ZNF521: variants seen among roughly 807,000 people sequenced by gnomAD.
The protein encoded by ZNF521 is LYST-interacting protein 3.
In ZNF521, 14 loss-of-function variants were observed where a neutral mutation model predicts 105.5. The ratio of observed to expected loss-of-function variants is 0.13; its 90% confidence interval spans 0.09 to 0.21. The LOEUF (loss-of-function observed/expected upper bound fraction) is 0.21. ZNF521 is among the 10% of genes least tolerant of loss of function. The pLI is 1.00. For missense variants in ZNF521, 1,233 were observed against 1,629.7 expected (o/e 0.76, Z 4.19); for synonymous variants, 635 against 606.0 (o/e 1.05, Z -0.70).
chr18:25,305,414 T>C (rs1401788544), intron 3 of ZNF521, among the ~76,000 whole-genome samples: 2 of 152,244 alleles, frequency 1.3e-5, no homozygotes, highest in African/African-American at 4.8e-5. Flanking sequence ...CATTCATGAC[T>C]ATCTTCTTAT....
At chr18:25,289,704 G>C (rs1226365507) in intron 3 of ZNF521, among the ~76,000 whole-genome samples, 1 of 152,146 alleles carries the variant, frequency 6.6e-6, no homozygotes, top group Non-Finnish European at 1.5e-5. Flanking sequence ...TGGTCTTTAT[G>C]ATGACTTCAG....
At chr18:25,083,329 A>G (rs866476978) in intron 7 of ZNF521, among the ~76,000 whole-genome samples, 3 of 152,376 alleles carry the variant, frequency 2.0e-5, no homozygotes, top group Admixed American at 6.5e-5. Flanking sequence ...GACTCATTGC[A>G]AAATTATTCT....
At chr18:25,160,083 G>C (rs1386162417) in intron 5 of ZNF521, among the ~76,000 whole-genome samples, 1 of 152,180 alleles carries the variant, frequency 6.6e-6, no homozygotes, top group Non-Finnish European at 1.5e-5. Flanking sequence ...TCACCTGCCA[G>C]GACACTCTTC....
chr18:25,135,704 C>G (rs2034721810), intron 5 of ZNF521, among the ~76,000 whole-genome samples: 1 of 152,038 alleles, frequency 6.6e-6, no homozygotes, highest in Non-Finnish European at 1.5e-5. Context: ...CAGTAGGGAA[C>G]CCCCAGAGGA....
chr18:25,090,052 T>C (rs2033710154), intron 6 of ZNF521, among the ~76,000 whole-genome samples: 1 of 152,142 alleles, frequency 6.6e-6, no homozygotes, highest in Non-Finnish European at 1.5e-5. Flanking sequence ...TGTCTATAAA[T>C]GTGAAACAGA....
chr18:25,112,614 G>T (rs2034214751), intron 5 of ZNF521, among the ~76,000 whole-genome samples: 1 of 152,158 alleles, frequency 6.6e-6, no homozygotes, highest in Non-Finnish European at 1.5e-5. Context: ...TATGAACCTT[G>T]ACTCCAAGCA....
chr18:25,255,767 C>A (rs946317889), intron 3 of ZNF521, among the ~76,000 whole-genome samples: 10 of 151,674 alleles, frequency 6.6e-5, no homozygotes, highest in Admixed American at 3.3e-4. Context: ...AGCATACGAC[C>A]CAGCAATGCC....
intron 2 of ZNF521, among the ~76,000 whole-genome samples, chr18:25,333,334 A>G (rs1030811767): frequency 6.6e-6 from 1 of 150,796 alleles, no homozygotes; most frequent in Non-Finnish European, 1.5e-5. Flanking sequence ...ATATATATAT[A>G]CACACATATA....
chr18:25,161,958 T>C (rs74836026), intron 5 of ZNF521, among the ~76,000 whole-genome samples: 2,439 of 152,276 alleles, frequency 0.016, 31 homozygotes, highest in Non-Finnish European at 0.025. Flanking sequence ...CCTGGGCACA[T>C]GGGAACTACC....
chr18:25,328,123 C>T (rs915581780), intron 2 of ZNF521, among the ~76,000 whole-genome samples: 3 of 152,106 alleles, frequency 2.0e-5, no homozygotes, highest in Non-Finnish European at 4.4e-5. Flanking sequence ...AGAAAAGGAA[C>T]CTGTAATCTA....
chr18:25,120,608 A>AACC (rs1567970643), intron 5 of ZNF521, among the ~76,000 whole-genome samples: 30 of 95,234 alleles, frequency 3.2e-4, no homozygotes, highest in African/African-American at 9.9e-4. Flanking sequence ...AAAAACCACA[A>AACC]ACAAACAAAC....
intron 5 of ZNF521, among the ~76,000 whole-genome samples, chr18:25,105,847 G>A (rs150268994): frequency 6.6e-6 from 1 of 152,174 alleles, no homozygotes; most frequent in Non-Finnish European, 1.5e-5. Context: ...GAAGATAGGA[G>A]ATCATCCATC....
intron 5 of ZNF521, among the ~76,000 whole-genome samples, chr18:25,115,600 G>C (rs150758261): frequency 7.9e-5 from 12 of 152,284 alleles, no homozygotes; most frequent in African/African-American, 2.6e-4. Flanking sequence ...GTTTAGATTT[G>C]TCTTCTCAGT....
chr18:25,261,068 G>A (rs940326991), intron 3 of ZNF521, among the ~76,000 whole-genome samples: 1 of 152,140 alleles, frequency 6.6e-6, no homozygotes, highest in Non-Finnish European at 1.5e-5. Flanking sequence ...CAGTGCTACA[G>A]TGAGGTGGTT....
chr18:25,167,814 T>C (rs1411157359), intron 5 of ZNF521, among the ~76,000 whole-genome samples: 1 of 152,148 alleles, frequency 6.6e-6, no homozygotes, highest in African/African-American at 2.4e-5. Flanking sequence ...TTCCCACAAA[T>C]CACAGATTGC....
rs748507168 is a variant in ZNF521 at position 25,225,260 on chromosome 18, G to A, written c.2658C>T (p.Tyr886=). Residue 886 remains tyrosine (Y), a synonymous_variant, in exon 4 of 8, where the codon TAC becomes TAT. Coordinates refer to ENST00000361524, the MANE Select transcript of ZNF521 (RefSeq NM_015461.3). This position sits in a 1 kb window ranked among gnomAD's most constrained non-coding sequence, Gnocchi z 5.6. ...EEDVDTSEPM[Y]GCDICGAAYT... Reference sequence around the variant, plus strand: ...AGGCTGCCCCACAAATGTCGCAGCCGTACATAGGCTCAGAGGTGTCAACGT... The same window carrying A: ...AGGCTGCCCCACAAATGTCGCAGCCATACATAGGCTCAGAGGTGTCAACGT... The A allele has an allele frequency of 1.2e-5, 19 of 1,614,012 alleles. No individual in the cohort carries two copies. Among genetic ancestry groups the A allele is most frequent in the African/African-American group, 2.7e-5 (2 of 74,898 alleles).
At chr18:25,237,119 T>C (rs1275008590) in intron 3 of ZNF521, among the ~76,000 whole-genome samples, 2 of 152,278 alleles carry the variant, frequency 1.3e-5, no homozygotes, top group Middle Eastern at 3.4e-3. Flanking sequence ...ATTTTTTTCT[T>C]GGTAACAGCC....
intron 3 of ZNF521, among the ~76,000 whole-genome samples, chr18:25,279,646 A>C (rs976417506): frequency 6.6e-6 from 1 of 152,226 alleles, no homozygotes; most frequent in African/African-American, 2.4e-5. Context: ...ATTGACATGT[A>C]TATGAATGCC....
intron 3 of ZNF521, among the ~76,000 whole-genome samples, chr18:25,294,403 T>C (rs1055737713): frequency 6.6e-6 from 1 of 152,238 alleles, no homozygotes; most frequent in Non-Finnish European, 1.5e-5. Flanking sequence ...AGGCCTAGGA[T>C]GTCTTCTTCT....
Sources: allele counts gnomAD v4.1 joint callset (sites outside exome capture counted in the v4.1 genomes callset), GRCh38; gene constraint gnomAD v4.1.1; non-coding constraint Gnocchi (gnomAD v3.1); transcripts MANE v1.5; gene names NCBI Gene and HGNC (gene_info 2026-07-23, HGNC 2026-07-21).